FBN1: variants seen among roughly 807,000 people sequenced by gnomAD.
FBN1 encodes the protein fibrillin 1.
FBN1 carries 29 observed loss-of-function variants against 365.1 expected under a neutral mutation model. The observed-to-expected ratio is 0.08, with a 90% CI of 0.06 to 0.11. The LOEUF is 0.11. FBN1 is among the 10% of genes least tolerant of loss of function. The pLI is 1.00. For missense variants in FBN1, 2,476 were observed against 3,703.2 expected (o/e 0.67, Z 8.60); for synonymous variants, 1,210 against 1,270.5 (o/e 0.95, Z 1.01).
chr15:48,429,909 C>T (rs2043011892), intron 56 of FBN1, among the ~76,000 whole-genome samples: 1 of 151,966 alleles, frequency 6.6e-6, no homozygotes, highest in Non-Finnish European at 1.5e-5. Context: ...TAATTTTCTC[C>T]TGTAATTATT....
intron 13 of FBN1, 78 bp downstream of exon 13, chr15:48,513,471 A>G (rs1026272841): frequency 3.1e-6 from 5 of 1,606,866 alleles, no homozygotes; most frequent in Admixed American, 1.7e-5. Flanking sequence ...GGTTATTTAA[A>G]CTCCATGGAA....
In FBN1 at chr15:48,510,163, T is replaced by C. The variant is rs745422205; in HGVS notation, c.1595A>G (p.Asp532Gly). 1 of 1,613,226 alleles carries C rather than the reference T, an allele frequency of 6.2e-7. No homozygotes were observed. The highest frequency in any genetic ancestry group is 8.5e-7 in the Non-Finnish European group (1 of 1,179,386). ...GATCCGGCCATTCTGTAAACACTCA[T>C]CAATGTCTAAAATCAAAGTTTAAAA... ...TLTRTECRDI[D>G]ECLQNGRICN... The change falls in exon 14 of 66, where the codon GAT (aspartate) becomes GGT (glycine). Residue 532 changes from aspartate to glycine, a missense_variant. By Grantham distance (94) the Asp-to-Gly change is moderately conservative (BLOSUM62 -1). Transcript: ENST00000316623.
chr15:48,611,964 GA>G (rs2044660298), intron 3 of FBN1, among the ~76,000 whole-genome samples: 1 of 152,162 alleles, frequency 6.6e-6, no homozygotes, highest in South Asian at 2.1e-4. Context: ...AAACGACTAA[GA>G]AACAAACTGT....
rs199710974 is a variant in FBN1 at position 48,417,427 on chromosome 15, C to CT, written c.7820-1661_7820-1660insA. Among the ~76,000 whole-genome samples the CT allele has an allele frequency of 7.0e-3, 838 of 119,310 alleles. 15 individuals carry two copies. The highest frequency in any genetic ancestry group is 0.028 in the African/African-American group (818 of 29,296). 78.3% of individuals were successfully genotyped at this position (119,310 alleles called of 152,430 possible). On this transcript the variant is annotated intron_variant, in intron 63 of 65. Transcript: ENST00000316623. The stretch of plus-strand genomic sequence containing the variant: ...TTCCCTTTCTTCCTTCCTTCCTTCC[C>CT]CCCTCCCCTCCCCTCCCTCCTTTCC...
At chr15:48,451,336 T>TG (rs1334392375) in intron 45 of FBN1, among the ~76,000 whole-genome samples, 5 of 152,248 alleles carry the variant, frequency 3.3e-5, no homozygotes, top group African/African-American at 1.2e-4. Flanking sequence ...TAGGGTATTG[T>TG]GGTTCATATC....
intron 17 of FBN1, among the ~76,000 whole-genome samples, chr15:48,502,319 T>C (rs1244915884): frequency 6.6e-6 from 1 of 152,360 alleles, no homozygotes; most frequent in East Asian, 1.9e-4. Context: ...GTGCTGGGAT[T>C]ACAGGTGTGA....
rs926889846 is a variant in FBN1, at chr15:48,408,328, T to G, written c.*2662A>C. 2 of 152,674 alleles carry G rather than the reference T, an allele frequency of 1.3e-5. No individual in the cohort carries two copies. Among genetic ancestry groups the G allele is most frequent in the African/African-American group, 4.8e-5 (2 of 41,470 alleles). The allele number at this position is 152,674 out of a possible 1,614,324, so 9.5% of individuals were successfully genotyped here. On this transcript the variant is annotated 3_prime_UTR_variant, in exon 66 of 66. Coordinates refer to ENST00000316623, the MANE Select transcript of FBN1 (RefSeq NM_000138.5). ...TAATGCAGCATCAACCCAATTGTCCTTTATTTTGGCTCATCTAATTTACAG... is the reference window on the plus strand; with the variant it reads ...TAATGCAGCATCAACCCAATTGTCCGTTATTTTGGCTCATCTAATTTACAG...
intron 45 of FBN1, among the ~76,000 whole-genome samples, chr15:48,451,414 T>A (rs1230173333): frequency 6.6e-6 from 1 of 152,200 alleles, no homozygotes; most frequent in African/African-American, 2.4e-5. Flanking sequence ...GTTGACAAAA[T>A]GCTAAATACT....
chr15:48,516,042 T>C, intron 11 of FBN1, 141 bp downstream of exon 11: 7 of 795,082 alleles, frequency 8.8e-6, no homozygotes, highest in Non-Finnish European at 1.4e-5. Flanking sequence ...ATGATATAGA[T>C]ATAGATAACA....
intron 2 of FBN1, among the ~76,000 whole-genome samples, chr15:48,637,389 C>T (rs75753992): frequency 1.1e-4 from 16 of 152,230 alleles, no homozygotes; most frequent in African/African-American, 2.6e-4. Flanking sequence ...CTCTCCTTTC[C>T]CTAACAACAT....
At chr15:48,501,710 A>G (rs1170508972) in intron 17 of FBN1, among the ~76,000 whole-genome samples, 1 of 152,176 alleles carries the variant, frequency 6.6e-6, no homozygotes, top group African/African-American at 2.4e-5. Context: ...GGCTCTTCCA[A>G]TCATTCAACA....
In FBN1 at chr15:48,463,009, A is replaced by C. The variant is rs2141266413; in HGVS notation, c.5224+73T>G. The C allele has an allele frequency of 1.4e-5, 20 of 1,469,470 alleles. 2 individuals are homozygous for C. In the South Asian group the frequency reaches 2.3e-4, roughly 17 times the overall value. The allele number at this position is 1,469,470 out of a possible 1,614,324, so 91.0% of individuals were successfully genotyped here. ...AATGCACACTTTGCTTCCTTCGCTA[A>C]GACTGATTTCCCCAACAATTCATGG... On this transcript the variant is annotated intron_variant, in intron 42 of 65. Transcript: ENST00000316623.
chr15:48,458,563 G>A (rs961106422), intron 43 of FBN1, among the ~76,000 whole-genome samples: 3 of 152,118 alleles, frequency 2.0e-5, no homozygotes, highest in Admixed American at 6.5e-5. Flanking sequence ...GTTAGAACAC[G>A]AAACATCATA....
rs79307111 is a variant in FBN1, at chr15:48,449,204, G to A, written c.5546-311C>T. Among the ~76,000 whole-genome samples, 11,260 of 152,214 alleles carry A rather than the reference G, an allele frequency of 0.074. 458 individuals are homozygous for A. The highest frequency in any genetic ancestry group is 0.12 in the Middle Eastern group (36 of 294). On this transcript the variant is annotated intron_variant, in intron 45 of 65. Transcript: ENST00000316623. ...ATTTTCTGTTTGATTATCGGCCTAC[G>A]CAGCACCACAGACTGTGGAATTAAT...
chr15:48,442,823 C>T (rs982731864), intron 49 of FBN1, among the ~76,000 whole-genome samples: 4 of 152,184 alleles, frequency 2.6e-5, no homozygotes, highest in Non-Finnish European at 5.9e-5. Flanking sequence ...TTTTAGTGAA[C>T]AAAGTGGTAA....
Position 48,526,117 on chromosome 15 carries a change from T to TGTG in FBN1, c.988+12_988+13insCAC. 6.2e-7 allele frequency: 1 copy of TGTG among 1,614,148 alleles called. No homozygotes were observed. Among genetic ancestry groups the TGTG allele is most frequent in the Non-Finnish European group, 8.5e-7 (1 of 1,179,996 alleles). ...TTACACAAACCATGCATGCTGTTTG[T>TGTG]CATTAAACCTACCTATGCATCTGGT... is the stretch of plus-strand genomic sequence containing the variant. On this transcript the variant is annotated intron_variant, in intron 9 of 65. Transcript: ENST00000316623.
chr15:48,554,513 G>C (rs1191840516), intron 6 of FBN1, among the ~76,000 whole-genome samples: 1 of 152,122 alleles, frequency 6.6e-6, no homozygotes, highest in Non-Finnish European at 1.5e-5. Context: ...GTTGGTGTCA[G>C]CTAAAAAAAT....
At chr15:48,494,100 A>C in intron 23 of FBN1, 104 bp downstream of exon 23, 2 of 890,288 alleles carry the variant, frequency 2.2e-6, no homozygotes, top group Non-Finnish European at 3.8e-6. Flanking sequence ...TCTCTGCTGC[A>C]TATTTCTCCC....
At chr15:48,539,987 C>A (rs746123313) in intron 6 of FBN1, among the ~76,000 whole-genome samples, 1 of 152,186 alleles carries the variant, frequency 6.6e-6, no homozygotes, top group Non-Finnish European at 1.5e-5. Flanking sequence ...TTGAATAAAT[C>A]TCAGCCCTCA....
Sources: allele counts gnomAD v4.1 joint callset (sites outside exome capture counted in the v4.1 genomes callset), GRCh38; gene constraint gnomAD v4.1.1; transcripts MANE v1.5; gene names NCBI Gene and HGNC (gene_info 2026-07-23, HGNC 2026-07-21).